ADAMTSL1: variants seen among roughly 807,000 people sequenced by gnomAD.
ADAMTSL1 encodes ADAMTS like 1.
In ADAMTSL1, 126 loss-of-function variants were observed where a neutral mutation model predicts 201.8. The observed-to-expected ratio is 0.62, with a 90% CI of 0.54 to 0.72. ADAMTSL1 has a LOEUF of 0.72. Ranked by LOEUF, ADAMTSL1 falls within the 30% of genes least tolerant of loss-of-function variation. The pLI is 0.00. For missense variants in ADAMTSL1, 2,679 were observed against 2,277.8 expected, an observed-to-expected ratio of 1.18 and a Z score of -3.59; for synonymous variants, 1,121 against 903.4, an observed-to-expected ratio of 1.24 and a Z score of -4.32.
intron 3 of ADAMTSL1, among the ~76,000 whole-genome samples, chr9:18,566,036 A>G (rs1194879941): frequency 2.0e-5 from 3 of 152,214 alleles, no homozygotes; most frequent in African/African-American, 4.8e-5. Context: ...ATTTGTTTAC[A>G]TGGAGAAGGA....
intron 2 of ADAMTSL1, among the ~76,000 whole-genome samples, chr9:18,382,414 G>A (rs535915824): frequency 1.3e-5 from 2 of 152,162 alleles, no homozygotes; most frequent in East Asian, 3.9e-4. Flanking sequence ...ATCCTGGCAG[G>A]AGAGATAACT....
intron 15 of ADAMTSL1, 50 bp from the exon 16 acceptor site, chr9:18,753,248 T>C (rs1310779725): frequency 3.9e-6 from 6 of 1,539,852 alleles, no homozygotes; most frequent in Non-Finnish European, 5.3e-6. Context: ...GGAAACATTC[T>C]CTGCACAGGT....
At chr9:18,162,127 G>C (rs915056511) in intron 1 of ADAMTSL1, among the ~76,000 whole-genome samples, 1 of 151,990 alleles carries the variant, frequency 6.6e-6, no homozygotes, top group African/African-American at 2.4e-5. Context: ...TCAAGATATT[G>C]GCTGAAGATA....
In ADAMTSL1 at chr9:18,146,214, G is replaced by A. The variant is rs534723530; in HGVS notation, c.88-17648G>A. Among the ~76,000 whole-genome samples, 4 of 152,194 alleles carry A rather than the reference G, an allele frequency of 2.6e-5. No homozygotes were observed. The East Asian group carries it at 7.7e-4, about 29-fold the overall frequency. On this transcript the variant is annotated intron_variant, in intron 1 of 29. Transcript: ENST00000680146. ...AGTCTTACCATATTTACATACCATA[G>A]TTACTGTATGATCCAGCAATCACAT...
intron 2 of ADAMTSL1, among the ~76,000 whole-genome samples, chr9:18,232,672 T>A (rs1442998751): frequency 6.6e-6 from 1 of 152,180 alleles, no homozygotes; most frequent in Non-Finnish European, 1.5e-5. Context: ...TTCATATTCC[T>A]TCTATTTCTG....
At chr9:17,988,415 C>G (rs970528907) in intron 1 of ADAMTSL1, among the ~76,000 whole-genome samples, 3 of 152,022 alleles carry the variant, frequency 2.0e-5, no homozygotes, top group African/African-American at 7.2e-5. Flanking sequence ...AATTAGAGAG[C>G]AGATGGCCCC....
chr9:18,262,176 A>G (rs1248973129), intron 2 of ADAMTSL1, among the ~76,000 whole-genome samples: 1 of 152,228 alleles, frequency 6.6e-6, no homozygotes, highest in Non-Finnish European at 1.5e-5. Flanking sequence ...ACAAATTTAA[A>G]TATTTTCAGA....
chr9:18,764,979 A>G (rs1221500572), intron 16 of ADAMTSL1, among the ~76,000 whole-genome samples: 1 of 152,174 alleles, frequency 6.6e-6, no homozygotes, highest in Non-Finnish European at 1.5e-5. Flanking sequence ...GTACAATTTT[A>G]TTACATCTAT....
At chr9:18,662,123 A>G (rs757289369) in intron 9 of ADAMTSL1, 50 bp downstream of exon 9, 24 of 1,578,456 alleles carry the variant, frequency 1.5e-5, no homozygotes, top group Non-Finnish European at 1.8e-5. Flanking sequence ...TCAAGTTCCA[A>G]ATAGGTTATT....
chr9:18,386,033 A>G (rs1837776648), intron 2 of ADAMTSL1, among the ~76,000 whole-genome samples: 1 of 152,210 alleles, frequency 6.6e-6, no homozygotes, highest in African/African-American at 2.4e-5. Flanking sequence ...TAATAAAACA[A>G]GCATCCGAAA....
intron 3 of ADAMTSL1, among the ~76,000 whole-genome samples, chr9:18,536,584 C>T (rs2132126666): frequency 6.6e-6 from 1 of 152,138 alleles, no homozygotes; most frequent in South Asian, 2.1e-4. Context: ...TACTTTCTTA[C>T]TTTCTGTGTA....
chr9:18,243,626 T>G (rs761354675), intron 2 of ADAMTSL1, among the ~76,000 whole-genome samples: 1 of 152,054 alleles, frequency 6.6e-6, no homozygotes, highest in Non-Finnish European at 1.5e-5. Context: ...AATGTAGACT[T>G]GCCCCAAAAC....
chr9:18,248,644 G>T (rs1347751400), intron 2 of ADAMTSL1, among the ~76,000 whole-genome samples: 1 of 152,112 alleles, frequency 6.6e-6, no homozygotes, highest in East Asian at 1.9e-4. Flanking sequence ...GCCTCTCCAG[G>T]ACTAGGATTC....
At chr9:18,486,997 AAG>A (rs1415496804) in intron 1 of ADAMTSL1, among the ~76,000 whole-genome samples, 1 of 152,220 alleles carries the variant, frequency 6.6e-6, no homozygotes, top group Non-Finnish European at 1.5e-5. Flanking sequence ...ATCACACGTG[AAG>A]TTCCCTTTGA....
intron 1 of ADAMTSL1, among the ~76,000 whole-genome samples, chr9:17,961,888 T>A (rs1817770810): frequency 1.3e-5 from 2 of 152,156 alleles, no homozygotes; most frequent in Admixed American, 6.5e-5. Context: ...GGGTTCCTTT[T>A]CAGAACTCCC....
At chr9:18,495,827 T>C (rs947802485) in intron 1 of ADAMTSL1, among the ~76,000 whole-genome samples, 1 of 152,188 alleles carries the variant, frequency 6.6e-6, no homozygotes, top group Admixed American at 6.5e-5. Context: ...TTGAAATTAC[T>C]TGGCAATTTT....
chr9:18,804,737 G>C (rs770271278), intron 20 of ADAMTSL1, among the ~76,000 whole-genome samples: 3 of 152,120 alleles, frequency 2.0e-5, no homozygotes, highest in Admixed American at 6.5e-5. Flanking sequence ...TCTTCAACTG[G>C]AAATTTTCAT....
chr9:18,906,937 T>C (rs1478027621), intron 28 of ADAMTSL1, 25 bp downstream of exon 28: 1 of 1,613,038 alleles, frequency 6.2e-7, no homozygotes. Context: ...CAAAGAACCT[T>C]CTGCAAATTC....
chr9:18,309,837 C>T (rs1258999695), intron 2 of ADAMTSL1, among the ~76,000 whole-genome samples: 1 of 151,942 alleles, frequency 6.6e-6, no homozygotes, highest in Admixed American at 6.6e-5. Context: ...AAAAACACTA[C>T]TTCAAATTTC....
Sources: allele counts gnomAD v4.1 joint callset (sites outside exome capture counted in the v4.1 genomes callset), GRCh38; gene constraint gnomAD v4.1.1; transcripts MANE v1.5; gene names NCBI Gene and HGNC (gene_info 2026-07-23, HGNC 2026-07-21).